Variants in BTF3L4 observed in about 807,000 individuals in gnomAD.
BTF3L4 encodes the protein transcription factor BTF3 homolog 4.
A neutral mutation model predicts 16.8 loss-of-function variants in BTF3L4; 6 were observed. That is an observed-to-expected ratio of 0.36 (90% confidence interval 0.20 to 0.71). The LOEUF (loss-of-function observed/expected upper bound fraction) is 0.71. Among genes scored for constraint, BTF3L4 ranks in the 30% least tolerant of loss-of-function variants. The probability of loss-of-function intolerance (pLI) is 0.58; values close to 1 mark genes in which losing one functional copy is unlikely to be tolerated. For synonymous variants in BTF3L4, 39 were observed against 59.8 expected, an observed-to-expected ratio of 0.65 and a Z score of 1.60; for missense variants, 92 against 186.9, an observed-to-expected ratio of 0.49 and a Z score of 2.96.
chr1:52,062,243 C>T (rs1686533509), intron 2 of BTF3L4, among the ~76,000 whole-genome samples: 1 of 146,882 alleles, frequency 6.8e-6, no homozygotes, highest in African/African-American at 2.5e-5. Context: ...ACTCTGTCAC[C>T]CAGGCTGGAG....
chr1:52,080,670 G>T (rs1274205150), intron 3 of BTF3L4, among the ~76,000 whole-genome samples: 1 of 150,664 alleles, frequency 6.6e-6, no homozygotes, highest in Non-Finnish European at 1.5e-5. Context: ...AGTAGCTGGG[G>T]TTATAGGTGC....
chr1:52,086,327 G>A, intron 5 of BTF3L4, 156 bp downstream of exon 5: 1 of 531,722 alleles, frequency 1.9e-6, no homozygotes, highest in Non-Finnish European at 3.3e-6. Context: ...AACAACGTAA[G>A]CACCCACCTT....
At chr1:52,057,498 G>C (rs1298627175) in intron 1 of BTF3L4, among the ~76,000 whole-genome samples, 6 of 152,202 alleles carry the variant, frequency 3.9e-5, no homozygotes, top group Non-Finnish European at 7.3e-5. Flanking sequence ...ATGGGAGGGA[G>C]GGAACTGTTT....
chr1:52,081,210 T>TC (rs1228156739), intron 3 of BTF3L4, among the ~76,000 whole-genome samples: 2 of 59,320 alleles, frequency 3.4e-5, no homozygotes, highest in East Asian at 1.3e-3. Context: ...CGATCTCACC[T>TC]TACTGCAACC....
intron 3 of BTF3L4, among the ~76,000 whole-genome samples, chr1:52,080,618 A>G (rs896623606): frequency 7.1e-5 from 9 of 127,296 alleles, no homozygotes; most frequent in Admixed American, 2.1e-4. Context: ...ACTGCAACCT[A>G]TGTCTCCCAG....
At chr1:52,058,828 G>A (rs528145427) in intron 1 of BTF3L4, among the ~76,000 whole-genome samples, 2 of 152,092 alleles carry the variant, frequency 1.3e-5, no homozygotes, top group Non-Finnish European at 2.9e-5. Flanking sequence ...TCGAACTCCC[G>A]ACCTCAGGTG....
intron 3 of BTF3L4, among the ~76,000 whole-genome samples, chr1:52,075,524 A>T (rs1256491148): frequency 7.6e-6 from 1 of 131,496 alleles, no homozygotes; most frequent in Non-Finnish European, 1.7e-5. Flanking sequence ...GACTACGTCT[A>T]AAAAAAAAAA....
chr1:52,088,045 A>G lies in BTF3L4; in HGVS notation c.*1287A>G, dbSNP rs1242600938. 1 of 152,586 alleles carries G rather than the reference A, an allele frequency of 6.6e-6. No individual in the cohort carries two copies. Among genetic ancestry groups the G allele is most frequent in the African/African-American group, 2.4e-5 (1 of 41,434 alleles). The allele number at this position is 152,586 out of a possible 1,614,324, so 9.5% of individuals were successfully genotyped here. ...GAGGTAAGTTGCATTCATTCACTCA[A>G]GTTTCCCTCTTGCTGTCTAATAGAA... On this transcript the variant is annotated 3_prime_UTR_variant, in exon 6 of 6. Coordinates refer to ENST00000313334, the MANE Select transcript of BTF3L4 (RefSeq NM_152265.5).
At chr1:52,065,400 G>T in intron 3 of BTF3L4, 1 of 153,150 alleles carries the variant, frequency 6.5e-6, no homozygotes, top group Non-Finnish European at 1.5e-5. Flanking sequence ...CAAGTAGCTG[G>T]GACTACAGGT....
chr1:52,060,703 T>C (rs1035569882), intron 2 of BTF3L4: 4 of 843,152 alleles, frequency 4.7e-6, no homozygotes, highest in Non-Finnish European at 5.9e-6. Context: ...ACTGTGTCAT[T>C]TACACTGATG....
intron 3 of BTF3L4, among the ~76,000 whole-genome samples, chr1:52,067,756 C>G (rs957371444): frequency 6.6e-6 from 1 of 152,134 alleles, no homozygotes; most frequent in African/African-American, 2.4e-5. Context: ...CCTTTCTACC[C>G]TTCAACTCCT....
intron 3 of BTF3L4, among the ~76,000 whole-genome samples, chr1:52,070,074 G>T (rs977427732): frequency 1.3e-5 from 2 of 152,062 alleles, no homozygotes. Flanking sequence ...GAAATTAGCT[G>T]AGTGTGGTGG....
intron 3 of BTF3L4, among the ~76,000 whole-genome samples, chr1:52,066,253 G>A (rs1686644664): frequency 6.6e-6 from 1 of 151,910 alleles, no homozygotes; most frequent in Non-Finnish European, 1.5e-5. Flanking sequence ...GAGTGCAGTG[G>A]TGTGATCTCT....
At chr1:52,066,975 A>G (rs1291560023) in intron 3 of BTF3L4, among the ~76,000 whole-genome samples, 3 of 152,200 alleles carry the variant, frequency 2.0e-5, no homozygotes, top group Admixed American at 6.5e-5. Context: ...AGTGGCTCAC[A>G]CTTGTAATCC....
chr1:52,058,761 C>T (rs1046677246), intron 1 of BTF3L4, among the ~76,000 whole-genome samples: 1 of 152,132 alleles, frequency 6.6e-6, no homozygotes, highest in Non-Finnish European at 1.5e-5. Flanking sequence ...GCCACCACGC[C>T]CGGCTAATTT....
intron 3 of BTF3L4, among the ~76,000 whole-genome samples, chr1:52,075,209 A>T (rs978654911): frequency 6.6e-6 from 1 of 152,100 alleles, no homozygotes; most frequent in South Asian, 2.1e-4. Context: ...ATTATACATT[A>T]TAATGTTTTG....
rs774575250 is a variant in BTF3L4 at position 52,087,733 on chromosome 1, AAAAAT to A, written c.*976_*980del. On this transcript the variant is annotated 3_prime_UTR_variant, in exon 6 of 6. Coordinates refer to ENST00000313334, the MANE Select transcript of BTF3L4 (RefSeq NM_152265.5). ...CCTAGCTGTTCTTAACAGCAGGTAC[AAAAAT>A]GCCTGTTTTTCAGCAAGGTTGAAAT... The A allele has an allele frequency of 2.2e-4, 33 of 152,780 alleles. No individual in the cohort carries two copies. Among genetic ancestry groups the A allele is most frequent in the Non-Finnish European group, 3.8e-4 (26 of 68,044 alleles). The allele number at this position is 152,780 out of a possible 1,614,324, so 9.5% of individuals were successfully genotyped here.
chr1:52,076,204 A>T lies in BTF3L4; in HGVS notation c.169-7136A>T, dbSNP rs146335383. On this transcript the variant is annotated intron_variant, in intron 3 of 5. Coordinates refer to ENST00000313334, the MANE Select transcript of BTF3L4 (RefSeq NM_152265.5). ...GGTGGGAGAATTGCTTGAACCCAGGAGGTGCAGGTTGCGTTGAGCAGAGAT... is the reference window on the plus strand; with the variant it reads ...GGTGGGAGAATTGCTTGAACCCAGGTGGTGCAGGTTGCGTTGAGCAGAGAT... Among the ~76,000 whole-genome samples the T allele has an allele frequency of 1.0e-3, 159 of 152,224 alleles. 3 individuals carry two copies. In the East Asian group the frequency reaches 0.028, roughly 27 times the overall value.
chr1:52,059,430 A>C (rs1686455122), intron 1 of BTF3L4, among the ~76,000 whole-genome samples: 3 of 152,342 alleles, frequency 2.0e-5, no homozygotes, highest in African/African-American at 7.2e-5. Context: ...ATCTACTTGA[A>C]GATTTTGCTA....
Sources: gnomAD v4.1 joint callset for allele counts (sites outside exome capture counted in the v4.1 genomes callset) on GRCh38, gnomAD v4.1.1 for gene constraint, MANE v1.5 for transcripts, NCBI Gene and HGNC (gene_info 2026-07-23, HGNC 2026-07-21) for gene names.